Variants in PPARGC1A observed in about 807,000 individuals in gnomAD.
PPARGC1A encodes the protein PPARG coactivator 1 alpha.
Under a neutral mutation model 88.7 loss-of-function variants are expected in PPARGC1A, and 25 were observed. That is an observed-to-expected ratio of 0.28 (90% confidence interval 0.21 to 0.39). The LOEUF is 0.39. Among genes scored for constraint, PPARGC1A ranks in the 10% least tolerant of loss-of-function variants. The pLI, the probability that PPARGC1A is intolerant of heterozygous loss-of-function variation, is 1.00. For missense variants in PPARGC1A, 880 were observed against 968.7 expected (o/e 0.91, Z 1.22); for synonymous variants, 363 against 355.6 (o/e 1.02, Z -0.24).
the PPARGC1A span, among the ~76,000 whole-genome samples, chr4:24,369,243 C>T: frequency 4.6e-5 from 7 of 152,182 alleles, no homozygotes; most frequent in Non-Finnish European, 1.0e-4. Context: ...ATCACTCTTA[C>T]ATAGCTAAGA....
chr4:24,171,769 T>C, the PPARGC1A span, among the ~76,000 whole-genome samples: 1 of 152,258 alleles, frequency 6.6e-6, no homozygotes, highest in Non-Finnish European at 1.5e-5. Context: ...TTCCATTTTA[T>C]GGTATTAGAA....
chr4:24,128,223 C>A, the PPARGC1A span, among the ~76,000 whole-genome samples: 50 of 152,252 alleles, frequency 3.3e-4, no homozygotes, highest in Admixed American at 4.6e-4. Context: ...TTACCACTCA[C>A]CAGCTCTGGG....
At chr4:23,965,770 C>T in the PPARGC1A span, among the ~76,000 whole-genome samples, 1 of 152,164 alleles carries the variant, frequency 6.6e-6, no homozygotes, top group Non-Finnish European at 1.5e-5. Flanking sequence ...TCCTTTAACT[C>T]CTGTCCTACA....
the PPARGC1A span, among the ~76,000 whole-genome samples, chr4:23,963,347 A>G: frequency 9.7e-3 from 1,483 of 152,310 alleles, 7 homozygotes; most frequent in Non-Finnish European, 0.016. Flanking sequence ...TACCATTGAC[A>G]ATCTTTACTT....
At chr4:23,962,051 A>G in the PPARGC1A span, among the ~76,000 whole-genome samples, 11 of 152,180 alleles carry the variant, frequency 7.2e-5, no homozygotes, top group Non-Finnish European at 1.6e-4. Flanking sequence ...GTTAGGGGGA[A>G]GAAATCAAAC....
At chr4:24,411,090 G>A in the PPARGC1A span, among the ~76,000 whole-genome samples, 6 of 152,088 alleles carry the variant, frequency 3.9e-5, no homozygotes, top group African/African-American at 7.2e-5. Flanking sequence ...ATTTGGTGGC[G>A]GCTGTTTTTA....
the PPARGC1A span, among the ~76,000 whole-genome samples, chr4:24,333,547 G>A: frequency 5.6e-4 from 85 of 152,308 alleles, no homozygotes; most frequent in African/African-American, 1.9e-3. Context: ...ACCAGAGGCA[G>A]AGAGCAAGTT....
chr4:24,032,421 C>T, the PPARGC1A span, among the ~76,000 whole-genome samples: 8 of 152,166 alleles, frequency 5.3e-5, no homozygotes, highest in African/African-American at 1.9e-4. Flanking sequence ...AGAGCTCACC[C>T]AGCTCCCCAA....
chr4:24,083,398 C>G, the PPARGC1A span, among the ~76,000 whole-genome samples: 1 of 152,160 alleles, frequency 6.6e-6, no homozygotes, highest in Non-Finnish European at 1.5e-5. Flanking sequence ...AAGGACCTCT[C>G]CCCAGTGCCT....
the PPARGC1A span, among the ~76,000 whole-genome samples, chr4:24,061,025 C>T: frequency 6.6e-6 from 1 of 151,862 alleles, no homozygotes; most frequent in Non-Finnish European, 1.5e-5. Flanking sequence ...TCATTATTAT[C>T]CTCATGGCAT....
chr4:23,877,744 T>C (rs1054105527), intron 2 of PPARGC1A: 1 of 152,128 alleles, frequency 6.6e-6, no homozygotes, highest in South Asian at 2.1e-4. Context: ...GGATAGGGAA[T>C]GGTGGAGGAA....
At chr4:23,953,569 T>C in the PPARGC1A span, among the ~76,000 whole-genome samples, 1 of 152,050 alleles carries the variant, frequency 6.6e-6, no homozygotes, top group Admixed American at 6.6e-5. Flanking sequence ...AGGAAATCCT[T>C]ATAGAGTAAT....
chr4:24,018,666 T>C, the PPARGC1A span, among the ~76,000 whole-genome samples: 2 of 152,212 alleles, frequency 1.3e-5, no homozygotes, highest in African/African-American at 4.8e-5. Context: ...ATGTTCCTGA[T>C]CTTTCATCTC....
chr4:23,979,629 A>C, the PPARGC1A span, among the ~76,000 whole-genome samples: 16 of 152,326 alleles, frequency 1.1e-4, no homozygotes, highest in Middle Eastern at 6.8e-3. Flanking sequence ...CGGAGACAGC[A>C]GAGCAACTTA....
chr4:23,931,305 T>G, the PPARGC1A span, among the ~76,000 whole-genome samples: 1 of 151,410 alleles, frequency 6.6e-6, no homozygotes, highest in Non-Finnish European at 1.5e-5. Flanking sequence ...GACTCTTGGC[T>G]AAGAGGACAC....
chr4:24,241,048 G>A, the PPARGC1A span, among the ~76,000 whole-genome samples: 1 of 152,158 alleles, frequency 6.6e-6, no homozygotes, highest in East Asian at 1.9e-4. Flanking sequence ...CTGTAGGAAT[G>A]GTCAAGACAG....
At chr4:23,958,662 CTTTTT>C in the PPARGC1A span, among the ~76,000 whole-genome samples, 1 of 151,946 alleles carries the variant, frequency 6.6e-6, no homozygotes, top group African/African-American at 2.4e-5. Context: ...ATTGTGCTTT[CTTTTT>C]AAAACACTCA....
chr4:24,084,878 G>T, the PPARGC1A span, among the ~76,000 whole-genome samples: 1 of 152,110 alleles, frequency 6.6e-6, no homozygotes, highest in African/African-American at 2.4e-5. Flanking sequence ...AAGAAAAACA[G>T]AACTTATTTC....
At chr4:24,013,868 G>C in the PPARGC1A span, among the ~76,000 whole-genome samples, 1 of 152,166 alleles carries the variant, frequency 6.6e-6, no homozygotes, top group African/African-American at 2.4e-5. Context: ...TCTTGGGGAA[G>C]GACCAAGTTT....
Sources: allele counts gnomAD v4.1 joint callset (sites outside exome capture counted in the v4.1 genomes callset), GRCh38; gene constraint gnomAD v4.1.1; transcripts MANE v1.5; gene names NCBI Gene and HGNC (gene_info 2026-07-23, HGNC 2026-07-21).